Variants in ESPNL observed in about 807,000 individuals in gnomAD.
The protein encoded by ESPNL is espin like.
In ESPNL, 49 loss-of-function variants were observed where a neutral mutation model predicts 46.8. The observed-to-expected ratio is 1.05, with a 90% CI of 0.83 to 1.33. The LOEUF is 1.33. Among genes scored for constraint, ESPNL ranks in the 40% most tolerant of loss-of-function variants. The pLI is 0.00. For missense variants in ESPNL, 1,540 were observed against 1,436.6 expected (o/e 1.07, Z -1.16); for synonymous variants, 664 against 662.1 (o/e 1.00, Z -0.04).
intron 2 of ESPNL, among the ~76,000 whole-genome samples, chr2:238,104,024 G>A (rs910881237): frequency 6.6e-6 from 1 of 152,188 alleles, no homozygotes; most frequent in Non-Finnish European, 1.5e-5. Flanking sequence ...TGGACACTGA[G>A]TTGCTCAGAT....
intron 5 of ESPNL, among the ~76,000 whole-genome samples, chr2:238,117,251 G>A (rs1691837956): frequency 6.6e-6 from 1 of 152,232 alleles, no homozygotes; most frequent in Non-Finnish European, 1.5e-5. Flanking sequence ...TGTGACAGGG[G>A]CCAGGACAGG....
intron 5 of ESPNL, among the ~76,000 whole-genome samples, chr2:238,118,858 GA>G (rs1691899515): frequency 6.8e-6 from 1 of 146,180 alleles, no homozygotes; most frequent in South Asian, 2.2e-4. Context: ...AGGGTGGATG[GA>G]AGAGGACGGA....
intron 5 of ESPNL, among the ~76,000 whole-genome samples, chr2:238,121,076 G>A (rs1023261269): frequency 2.0e-5 from 3 of 152,166 alleles, no homozygotes; most frequent in African/African-American, 7.2e-5. Flanking sequence ...GCCCAGCTCG[G>A]GCTCTGCTCA....
rs1163968970 is a variant in ESPNL at position 238,131,652 on chromosome 2, G to A, written c.2938G>A (p.Glu980Lys). 8.1e-6 allele frequency: 13 copies of A among 1,608,126 alleles called. No homozygotes were observed. Among genetic ancestry groups the A allele is most frequent in the Non-Finnish European group, 1.1e-5 (13 of 1,175,994 alleles). Residue 980 changes from glutamate (E) to lysine (K), a missense_variant, in exon 9 of 9, where the codon GAG (glutamate) becomes AAG (lysine). Physicochemically the swap from Glu to Lys is moderately conservative, Grantham distance 56. Coordinates refer to ENST00000343063, the MANE Select transcript of ESPNL (RefSeq NM_194312.4). The stretch of plus-strand genomic sequence containing the variant: ...CTCCCAGCAGGGCAGCTTCAACGGT[G>A]AGGACATCTGCGGCTACATCAACCG... Reference protein sequence around the residue: ...SRSQQGSFNGEDICGYINRSF... With the variant: ...SRSQQGSFNGKDICGYINRSF...
intron 8 of ESPNL, 38 bp downstream of exon 8, chr2:238,128,942 G>A: frequency 2.6e-6 from 4 of 1,513,040 alleles, no homozygotes; most frequent in Non-Finnish European, 2.7e-6. Context: ...TGGGCGGGGC[G>A]GGGCCTTTTC....
chr2:238,101,912 C>G lies in ESPNL; in HGVS notation c.295-29C>G, dbSNP rs375416137. On this transcript the variant is annotated intron_variant, in intron 1 of 8. Coordinates refer to ENST00000343063, the MANE Select transcript of ESPNL (RefSeq NM_194312.4). The stretch of plus-strand genomic sequence containing the variant: ...GGCTCTGACCTCACGGCCTACCCCC[C>G]ACTCACTGACCTACCCGGGGCTTGG... The G allele has an allele frequency of 9.2e-5, 144 of 1,568,714 alleles. 1 individual carries two copies. The highest frequency in any genetic ancestry group is 6.7e-4 in the South Asian group (59 of 87,660).
chr2:238,103,529 C>T (rs532831789), intron 2 of ESPNL, among the ~76,000 whole-genome samples: 3 of 152,210 alleles, frequency 2.0e-5, no homozygotes, highest in Non-Finnish European at 4.4e-5. Context: ...GCCTAGTTCC[C>T]GCCTGGCATT....
intron 5 of ESPNL, among the ~76,000 whole-genome samples, chr2:238,120,692 G>A (rs555477859): frequency 1.3e-5 from 2 of 152,356 alleles, no homozygotes; most frequent in South Asian, 2.1e-4. Flanking sequence ...GCCTGTCTCC[G>A]TCTTCTCCCT....
chr2:238,130,613 G>A lies in ESPNL; in HGVS notation c.1899G>A (p.Ser633=), dbSNP rs374785930. Residue 633 remains serine (S), a synonymous_variant, in exon 9 of 9, where the codon TCG becomes TCA. Coordinates refer to ENST00000343063, the MANE Select transcript of ESPNL (RefSeq NM_194312.4). ...TGCAGGACACCTGCAGGGAGGCCTC[G>A]GCCAGCCCCCCTCGGAGCGAGGCCC... ...RPLQDTCREA[S]ASPPRSEAQR... is the part of the protein sequence containing the mutation. 52 of 1,564,808 alleles carry A rather than the reference G, an allele frequency of 3.3e-5. No homozygotes were observed. The highest frequency in any genetic ancestry group is 1.7e-4 in the Middle Eastern group (1 of 5,988).
At chr2:238,118,207 C>A (rs1362092532) in intron 5 of ESPNL, among the ~76,000 whole-genome samples, 1 of 75,942 alleles carries the variant, frequency 1.3e-5, no homozygotes, top group African/African-American at 5.9e-5. Context: ...TGGAGGAGGG[C>A]AGATGGAGCA....
intron 4 of ESPNL, among the ~76,000 whole-genome samples, chr2:238,115,178 C>G (rs900342253): frequency 6.6e-6 from 1 of 152,176 alleles, no homozygotes; most frequent in African/African-American, 2.4e-5. Context: ...AGGGCTCTAT[C>G]TTTTTGTCCA....
intron 6 of ESPNL, among the ~76,000 whole-genome samples, chr2:238,125,632 G>A (rs1186061479): frequency 6.6e-6 from 1 of 152,262 alleles, no homozygotes; most frequent in Non-Finnish European, 1.5e-5. Context: ...GCGGGGAGAC[G>A]GGCCGGTTGG....
At chr2:238,118,262 AAT>A (rs1691861966) in intron 5 of ESPNL, among the ~76,000 whole-genome samples, 4 of 102,952 alleles carry the variant, frequency 3.9e-5, no homozygotes, top group African/African-American at 4.4e-5. Context: ...TGGATGGAGG[AAT>A]GGATGGTGGA....
intron 5 of ESPNL, among the ~76,000 whole-genome samples, chr2:238,119,039 T>G (rs1197281890): frequency 8.0e-6 from 1 of 124,726 alleles, no homozygotes; most frequent in African/African-American, 3.2e-5. Flanking sequence ...GGAGGGTGAA[T>G]GGAGGAGGAA....
chr2:238,132,052 C>G lies in ESPNL; in HGVS notation c.*320C>G, dbSNP rs1307159236. On this transcript the variant is annotated 3_prime_UTR_variant, in exon 9 of 9. Coordinates refer to ENST00000343063, the MANE Select transcript of ESPNL (RefSeq NM_194312.4). ...CTGCCTGTTTCTCACTTGTCCTTCC[C>G]CAGTGTCACCAGTTCCCTTGGCGTC... 1 of 273,890 alleles carries G rather than the reference C, an allele frequency of 3.7e-6. No homozygotes were observed. The highest frequency in any genetic ancestry group is 4.8e-5 in the Admixed American group (1 of 20,734). The allele number at this position is 273,890 out of a possible 1,614,324, so 17.0% of individuals were successfully genotyped here. A position where few individuals can be genotyped will look rare whatever the true frequency, so the allele number is the denominator to read the frequency against.
intron 5 of ESPNL, among the ~76,000 whole-genome samples, chr2:238,124,572 TAC>T (rs1559265730): frequency 6.6e-6 from 1 of 150,820 alleles, no homozygotes; most frequent in Non-Finnish European, 1.5e-5. Context: ...TGCAGGAGAG[TAC>T]GTGTGTGTGT....
intron 8 of ESPNL, chr2:238,129,166 G>A: frequency 7.2e-7 from 1 of 1,390,760 alleles, no homozygotes; most frequent in Non-Finnish European, 9.3e-7. Context: ...GCCTGCCTGT[G>A]CCAAGCGTTG....
intron 6 of ESPNL, among the ~76,000 whole-genome samples, chr2:238,126,879 GTA>G (rs1249251158): frequency 7.0e-6 from 1 of 143,190 alleles, no homozygotes; most frequent in Non-Finnish European, 1.5e-5. Flanking sequence ...GATTGTGTCT[GTA>G]TGTCTGTGTG....
intron 6 of ESPNL, 199 bp from the exon 7 acceptor site, chr2:238,127,423 G>T (rs1050889319): frequency 7.5e-7 from 1 of 1,327,024 alleles, no homozygotes; most frequent in Non-Finnish European, 9.6e-7. Flanking sequence ...TCGACCAGGC[G>T]GGGGCGGGCC....
Sources: gnomAD v4.1 joint callset for allele counts (sites outside exome capture counted in the v4.1 genomes callset) on GRCh38, gnomAD v4.1.1 for gene constraint, MANE v1.5 for transcripts, NCBI Gene and HGNC (gene_info 2026-07-23, HGNC 2026-07-21) for gene names.